Variants in ZNF423 observed in about 807,000 individuals in gnomAD.
ZNF423 encodes zinc finger protein 423, also known as Ebf-associated zinc finger protein.
A neutral mutation model predicts 95.8 loss-of-function variants in ZNF423; 12 were observed. The observed-to-expected ratio is 0.13, with a 90% CI of 0.08 to 0.20. The LOEUF is 0.20. ZNF423 is among the 10% of genes least tolerant of loss of function. The probability of loss-of-function intolerance (pLI) is 1.00; values close to 1 mark genes in which losing one functional copy is unlikely to be tolerated. For synonymous variants in ZNF423, 749 were observed against 711.9 expected, an observed-to-expected ratio of 1.05 and a Z score of -0.83; for missense variants, 1,316 against 1,737.1, an observed-to-expected ratio of 0.76 and a Z score of 4.31.
chr16:49,660,028 T>C (rs889659408), intron 3 of ZNF423, among the ~76,000 whole-genome samples: 1 of 152,210 alleles, frequency 6.6e-6, no homozygotes, highest in African/African-American at 2.4e-5. Context: ...ACCCGCAATA[T>C]ACCTCTCAAC....
At chr16:49,728,092 T>G (rs2033073119) in intron 3 of ZNF423, among the ~76,000 whole-genome samples, 1 of 152,104 alleles carries the variant, frequency 6.6e-6, no homozygotes, top group Non-Finnish European at 1.5e-5. Flanking sequence ...ACTCACTTCC[T>G]ACACCCCAAA....
intron 7 of ZNF423, among the ~76,000 whole-genome samples, chr16:49,497,935 C>A (rs1043534996): frequency 1.1e-4 from 17 of 152,292 alleles, no homozygotes; most frequent in African/African-American, 3.6e-4. Flanking sequence ...CTTTTAAGGA[C>A]TATAGAGAGA....
At chr16:49,789,359 A>G in intron 2 of ZNF423, 128 bp downstream of exon 2, 1 of 783,302 alleles carries the variant, frequency 1.3e-6, no homozygotes, top group Non-Finnish European at 2.0e-6. Context: ...TGCATGGGGT[A>G]GTCTGGATTG....
intron 3 of ZNF423, among the ~76,000 whole-genome samples, chr16:49,724,164 T>C (rs1036180209): frequency 1.3e-5 from 2 of 152,228 alleles, no homozygotes; most frequent in African/African-American, 4.8e-5. Flanking sequence ...CTGTGTTCCC[T>C]GTCTTCCCCC....
chr16:49,504,355 G>A (rs1967547358), intron 7 of ZNF423, among the ~76,000 whole-genome samples: 1 of 152,222 alleles, frequency 6.6e-6, no homozygotes, highest in Admixed American at 6.5e-5. Flanking sequence ...GCCAAGGTGG[G>A]CAGAACACTT....
chr16:49,756,648 G>T (rs2033732424), intron 2 of ZNF423, among the ~76,000 whole-genome samples: 1 of 152,174 alleles, frequency 6.6e-6, no homozygotes, highest in African/African-American at 2.4e-5. Context: ...AAGTTGGAAG[G>T]GACCTAAGAG....
At chr16:49,833,973 C>T (rs751611643) in intron 1 of ZNF423, among the ~76,000 whole-genome samples, 5 of 152,148 alleles carry the variant, frequency 3.3e-5, no homozygotes, top group African/African-American at 7.2e-5. Context: ...CCAGCTGGGG[C>T]GGGCAGTGGC....
intron 3 of ZNF423, among the ~76,000 whole-genome samples, chr16:49,652,313 C>G (rs1382476153): frequency 6.6e-6 from 1 of 151,816 alleles, no homozygotes; most frequent in Non-Finnish European, 1.5e-5. Flanking sequence ...TGCAATTGAG[C>G]TCGAGTTTTA....
intron 1 of ZNF423, among the ~76,000 whole-genome samples, chr16:49,840,106 A>T (rs1597055218): frequency 6.6e-6 from 1 of 152,222 alleles, no homozygotes; most frequent in East Asian, 1.9e-4. Flanking sequence ...GCAGCTAATG[A>T]TAGCAGCTCC....
chr16:49,625,846 C>T (rs1193882491), intron 5 of ZNF423, among the ~76,000 whole-genome samples: 2 of 152,208 alleles, frequency 1.3e-5, no homozygotes, highest in African/African-American at 2.4e-5. Context: ...TATTCAATGT[C>T]ATGACACACA....
intron 4 of ZNF423, among the ~76,000 whole-genome samples, chr16:49,626,842 C>G (rs1345677782): frequency 1.1e-4 from 16 of 144,358 alleles, no homozygotes; most frequent in African/African-American, 3.5e-4. Flanking sequence ...ACCAATAGAC[C>G]CATCCATCCA....
intron 3 of ZNF423, among the ~76,000 whole-genome samples, chr16:49,660,718 G>T (rs552706477): frequency 3.3e-5 from 5 of 152,254 alleles, no homozygotes; most frequent in African/African-American, 1.2e-4. Context: ...CAGCAAGGGT[G>T]TGGGGGTCAG....
chr16:49,703,163 AG>A (rs1171572983), intron 3 of ZNF423, among the ~76,000 whole-genome samples: 4 of 152,232 alleles, frequency 2.6e-5, no homozygotes, highest in African/African-American at 9.6e-5. Flanking sequence ...CACCAGGACC[AG>A]AGAGGCGACC....
chr16:49,578,865 G>T (rs1244291660), intron 5 of ZNF423, among the ~76,000 whole-genome samples: 1 of 152,242 alleles, frequency 6.6e-6, no homozygotes, highest in African/African-American at 2.4e-5. Context: ...CAGGAATGCA[G>T]TGTACTCCTG....
At chr16:49,766,363 C>G (rs1719101805) in intron 2 of ZNF423, among the ~76,000 whole-genome samples, 1 of 152,172 alleles carries the variant, frequency 6.6e-6, no homozygotes, top group South Asian at 2.1e-4. Context: ...GGCTCCTCTC[C>G]CTGCTCACAC....
intron 1 of ZNF423, among the ~76,000 whole-genome samples, chr16:49,813,985 T>A (rs1441289722): frequency 6.6e-6 from 1 of 152,136 alleles, no homozygotes; most frequent in Non-Finnish European, 1.5e-5. Context: ...AACAAGCAGC[T>A]CCTTCCTCAA....
intron 3 of ZNF423, among the ~76,000 whole-genome samples, chr16:49,701,418 C>A (rs2032178822): frequency 6.6e-6 from 1 of 152,062 alleles, no homozygotes; most frequent in Non-Finnish European, 1.5e-5. Context: ...GGAGATTGGA[C>A]CATCTCCAAG....
At chr16:49,846,773 T>TGCA (rs1405039299) in intron 1 of ZNF423, among the ~76,000 whole-genome samples, 4 of 152,214 alleles carry the variant, frequency 2.6e-5, no homozygotes, top group African/African-American at 9.7e-5. Context: ...AGTTCAAAAC[T>TGCA]GCAGCCACAG....
intron 3 of ZNF423, among the ~76,000 whole-genome samples, chr16:49,677,144 G>A (rs375015177): frequency 1.3e-5 from 2 of 149,804 alleles, no homozygotes; most frequent in Non-Finnish European, 3.0e-5. Context: ...CTGGAACCCG[G>A]GAGGCGAAGG....
Sources: gnomAD v4.1 joint callset for allele counts (sites outside exome capture counted in the v4.1 genomes callset) on GRCh38, gnomAD v4.1.1 for gene constraint, MANE v1.5 for transcripts, NCBI Gene and HGNC (gene_info 2026-07-23, HGNC 2026-07-21) for gene names.